ANGPTL2: variants seen among roughly 807,000 people sequenced by gnomAD.
The protein encoded by ANGPTL2 is angiopoietin-related protein 2.
ANGPTL2 carries 25 observed loss-of-function variants against 52.8 expected under a neutral mutation model. That is an observed-to-expected ratio of 0.47 (90% CI 0.35 to 0.66). The LOEUF (loss-of-function observed/expected upper bound fraction) is 0.66, where lower values mean the gene tolerates loss of function less well. ANGPTL2 is among the 30% of genes least tolerant of loss of function. ANGPTL2 has a pLI of 0.01. For missense variants in ANGPTL2, 546 were observed against 656.9 expected, an observed-to-expected ratio of 0.83 and a Z score of 1.84; for synonymous variants, 276 against 277.4, an observed-to-expected ratio of 1.00 and a Z score of 0.05.
In ANGPTL2 at chr9:127,091,375, CT is replaced by C. The variant is rs1489113984; in HGVS notation, c.1282+294del. On this transcript the variant is annotated intron_variant, in intron 4 of 4. Transcript: ENST00000373425. The surrounding 1 kb of genome is among the most constrained non-coding windows in gnomAD (Gnocchi z 4.3). ...GGTGAGGCCACAGCCCAACACATGT[CT>C]TTCTGCATTGGCCCCAGCTGGCCCT... Among the ~76,000 whole-genome samples the C allele has an allele frequency of 6.6e-6, 1 of 152,232 alleles. No individual in the cohort carries two copies. Among genetic ancestry groups the C allele is most frequent in the Non-Finnish European group, 1.5e-5 (1 of 68,048 alleles).
At chr9:127,107,088 AATG>A (rs2054291755) in intron 2 of ANGPTL2, 1 of 152,226 alleles carries the variant, frequency 6.6e-6, no homozygotes, top group Non-Finnish European at 1.5e-5. Flanking sequence ...TTCTTCCAGA[AATG>A]ATGATTCCTA....
At chr9:127,092,010 A>G in intron 3 of ANGPTL2, 70 bp from the exon 4 acceptor site, 1 of 1,572,358 alleles carries the variant, frequency 6.4e-7, no homozygotes, top group Non-Finnish European at 8.6e-7. Context: ...TGGCTGTCAG[A>G]CACTCAGCCC....
chr9:127,098,718 C>T (rs1376095915), intron 2 of ANGPTL2, among the ~76,000 whole-genome samples: 2 of 152,136 alleles, frequency 1.3e-5, no homozygotes, highest in South Asian at 4.1e-4. Context: ...AGGACCATGG[C>T]CTCCCAGGAA....
At chr9:127,103,377 C>T (rs1442492129) in intron 2 of ANGPTL2, among the ~76,000 whole-genome samples, 2 of 152,156 alleles carry the variant, frequency 1.3e-5, no homozygotes, top group Non-Finnish European at 2.9e-5. Context: ...ATGTGGGGAC[C>T]TCCTCATGTG....
In ANGPTL2 at chr9:127,113,573, C is replaced by T. The variant is rs181626613; in HGVS notation, c.-49-4793G>A. 2.5e-3 allele frequency among the ~76,000 whole-genome samples: 371 copies of T among 148,512 alleles called. 2 individuals carry two copies. Among genetic ancestry groups the T allele is most frequent in the Non-Finnish European group, 3.3e-3 (223 of 67,290 alleles). On this transcript the variant is annotated intron_variant, in intron 1 of 4. Transcript: ENST00000373425. Reference sequence around the variant, plus strand: ...ACTCAACTCCAATCAAAGTGATGCTCCTCACTTTTTTCCTGTGTCCAACAA... The same window carrying T: ...ACTCAACTCCAATCAAAGTGATGCTTCTCACTTTTTTCCTGTGTCCAACAA...
intron 2 of ANGPTL2, among the ~76,000 whole-genome samples, chr9:127,099,728 G>A (rs1194123750): frequency 2.0e-5 from 3 of 152,250 alleles, no homozygotes; most frequent in African/African-American, 7.2e-5. Flanking sequence ...GCGAACCAGA[G>A]TACAAAACAA....
At chr9:127,096,911 A>C (rs1395956898) in intron 2 of ANGPTL2, among the ~76,000 whole-genome samples, 1 of 152,190 alleles carries the variant, frequency 6.6e-6, no homozygotes, top group Non-Finnish European at 1.5e-5. Flanking sequence ...GTGAGGTAGG[A>C]AAGCAGACCC....
chr9:127,091,031 C>CT lies in ANGPTL2; in HGVS notation c.1282+638dup, dbSNP rs1438301763. ...CTTTCTCTCTCCTATCTGCTTTCCT[C>CT]TTAATAGCTTCCTCTCAGCACTGCA... is the stretch of plus-strand genomic sequence containing the variant. On this transcript the variant is annotated intron_variant, in intron 4 of 4. Coordinates refer to ENST00000373425, the MANE Select transcript of ANGPTL2 (RefSeq NM_012098.3). This position sits in a 1 kb window ranked among gnomAD's most constrained non-coding sequence, Gnocchi z 4.3. 6.6e-6 allele frequency among the ~76,000 whole-genome samples: 1 copy of CT among 152,232 alleles called. No individual in the cohort carries two copies. Among genetic ancestry groups the CT allele is most frequent in the Non-Finnish European group, 1.5e-5 (1 of 68,042 alleles).
chr9:127,108,259 A>C lies in ANGPTL2; in HGVS notation c.473T>G (p.Leu158Arg). Residue 158 changes from leucine to arginine, a missense_variant, in exon 2 of 5, where the codon CTG becomes CGG. Transcript: ENST00000373425. Reference sequence around the variant, plus strand: ...TGTCTGGTTCAGGATCCTGTTCTCCAGCTGGGAGAGCTCCAACGCGTTGTC... The same window carrying C: ...TGTCTGGTTCAGGATCCTGTTCTCCCGCTGGGAGAGCTCCAACGCGTTGTC... ...KRDNALELSQ[L>R]ENRILNQTAD... 1 of 1,613,836 alleles carries C rather than the reference A, an allele frequency of 6.2e-7. No individual in the cohort carries two copies. The highest frequency in any genetic ancestry group is 8.5e-7 in the Non-Finnish European group (1 of 1,179,942).
chr9:127,120,942 C>T (rs2056006064), intron 1 of ANGPTL2, among the ~76,000 whole-genome samples: 1 of 152,150 alleles, frequency 6.6e-6, no homozygotes, highest in Non-Finnish European at 1.5e-5. Flanking sequence ...TGCTGTGCAC[C>T]AGGCACTAAG....
chr9:127,107,815 T>C lies in ANGPTL2; in HGVS notation c.817+100A>G, dbSNP rs190849397. ...GGATTGTGCATGTCTTTGGCCTGGC[T>C]TCAACTGGCCATGGCTTTTCCCCAT... On this transcript the variant is annotated intron_variant, in intron 2 of 4. Transcript: ENST00000373425. 1.2e-5 allele frequency: 15 copies of C among 1,291,334 alleles called. No homozygotes were observed. In the South Asian group the frequency reaches 2.0e-4, roughly 17 times the overall value. 80.0% of individuals were successfully genotyped at this position (1,291,334 alleles called of 1,614,324 possible).
chr9:127,092,632 G>A (rs772641841), intron 3 of ANGPTL2, among the ~76,000 whole-genome samples: 7 of 152,158 alleles, frequency 4.6e-5, no homozygotes, highest in African/African-American at 7.2e-5. Context: ...GAAGAACTAA[G>A]TGCTATCATT....
chr9:127,108,534 C>T lies in ANGPTL2; in HGVS notation c.198G>A (p.Thr66=), dbSNP rs781636386. ...CCTTGGAGTTGACGCAGATGGCACC[C>T]GTGACCCGCTGCTGGGGCACAATGA... ...YTFIVPQQRV[T]GAICVNSKEP... Residue 66 remains threonine (T), a synonymous_variant, in exon 2 of 5, where the codon ACG becomes ACA. Coordinates refer to ENST00000373425, the MANE Select transcript of ANGPTL2 (RefSeq NM_012098.3). 3.2e-5 allele frequency: 51 copies of T among 1,613,160 alleles called. No individual in the cohort carries two copies. Among genetic ancestry groups the T allele is most frequent in the South Asian group, 9.9e-5 (9 of 90,976 alleles).
chr9:127,107,242 A>T (rs1268290422), intron 2 of ANGPTL2: 1 of 152,244 alleles, frequency 6.6e-6, no homozygotes, highest in Non-Finnish European at 1.5e-5. Flanking sequence ...TGTAACATAC[A>T]TGGAAATGTC....
chr9:127,091,569 C>T lies in ANGPTL2; in HGVS notation c.1282+101G>A. 6.7e-7 allele frequency: 1 copy of T among 1,491,186 alleles called. No homozygotes were observed. The highest frequency in any genetic ancestry group is 9.0e-7 in the Non-Finnish European group (1 of 1,109,918). 92.4% of individuals were successfully genotyped at this position (1,491,186 alleles called of 1,614,324 possible). On this transcript the variant is annotated intron_variant, in intron 4 of 4. Coordinates refer to ENST00000373425, the MANE Select transcript of ANGPTL2 (RefSeq NM_012098.3). This position sits in a 1 kb window ranked among gnomAD's most constrained non-coding sequence, Gnocchi z 4.3. ...GGCAGCTTGGCCCAGCTGCTTCTCA[C>T]CCTGGGATCTTCCCGTTTCCAAGCC...
chr9:127,099,347 T>C (rs2053490967), intron 2 of ANGPTL2, among the ~76,000 whole-genome samples: 1 of 152,244 alleles, frequency 6.6e-6, no homozygotes, highest in Non-Finnish European at 1.5e-5. Context: ...AACTGTATGC[T>C]GTTTTCAGTT....
intron 1 of ANGPTL2, among the ~76,000 whole-genome samples, chr9:127,110,488 C>T (rs1021343869): frequency 4.6e-5 from 7 of 152,182 alleles, no homozygotes; most frequent in East Asian, 3.9e-4. Context: ...CCAGAGGTCA[C>T]GTTGGTGATC....
Position 127,088,081 on chromosome 9 carries a change from G to A in ANGPTL2, c.*858C>T, listed in dbSNP as rs189408102. On this transcript the variant is annotated 3_prime_UTR_variant, in exon 5 of 5. Transcript: ENST00000373425. Reference sequence around the variant, plus strand: ...AAGAAGGGGCTGTGCGACAGAAAAGGCAAGGAGTAGGTAGGCGAGGAGTAC... The same window carrying A: ...AAGAAGGGGCTGTGCGACAGAAAAGACAAGGAGTAGGTAGGCGAGGAGTAC... 6.5e-6 allele frequency: 1 copy of A among 152,762 alleles called. No individual in the cohort carries two copies. Among genetic ancestry groups the A allele is most frequent in the Admixed American group, 6.5e-5 (1 of 15,302 alleles). The allele number at this position is 152,762 out of a possible 1,614,324, so 9.5% of individuals were successfully genotyped here. A position where few individuals can be genotyped will look rare whatever the true frequency, so the allele number is the denominator to read the frequency against.
intron 1 of ANGPTL2, among the ~76,000 whole-genome samples, chr9:127,121,037 G>T (rs1306335992): frequency 6.6e-6 from 1 of 152,106 alleles, no homozygotes; most frequent in Non-Finnish European, 1.5e-5. Flanking sequence ...CACACCACTG[G>T]GTTCAAGTCC....
Sources: allele counts gnomAD v4.1 joint callset (sites outside exome capture counted in the v4.1 genomes callset), GRCh38; gene constraint gnomAD v4.1.1; non-coding constraint Gnocchi (gnomAD v3.1); transcripts MANE v1.5; gene names NCBI Gene and HGNC (gene_info 2026-07-23, HGNC 2026-07-21).